Variants in CCDC6 observed in about 807,000 individuals in gnomAD.
The protein encoded by CCDC6 is coiled-coil domain containing 6.
Under a neutral mutation model 56.6 loss-of-function variants are expected in CCDC6, and 20 were observed. The observed-to-expected ratio is 0.35, with a 90% CI of 0.25 to 0.51. The LOEUF (loss-of-function observed/expected upper bound fraction) is 0.51. Ranked by LOEUF, CCDC6 falls within the 20% of genes least tolerant of loss-of-function variation. The probability of loss-of-function intolerance (pLI) is 0.95; values close to 1 mark genes in which losing one functional copy is unlikely to be tolerated. For missense variants in CCDC6, 367 were observed against 601.1 expected (o/e 0.61, Z 4.07); for synonymous variants, 241 against 234.4 (o/e 1.03, Z -0.26).
Position 59,847,446 on chromosome 10 carries a change from A to G in CCDC6, c.453+5107T>C, listed in dbSNP as rs562015100. 2.0e-5 allele frequency among the ~76,000 whole-genome samples: 3 copies of G among 152,256 alleles called. No individual in the cohort carries two copies. In the East Asian group the frequency reaches 5.8e-4, roughly 29 times the overall value. On this transcript the variant is annotated intron_variant, in intron 2 of 8. Transcript: ENST00000263102. ...TGACAAGACAGTTAGGCTAATCATT[A>G]GAGCATTCTGATTATACTAGTTCTT...
chr10:59,841,662 G>GT lies in CCDC6; in HGVS notation c.454-9010dup, dbSNP rs537645567. On this transcript the variant is annotated intron_variant, in intron 2 of 8. Coordinates refer to ENST00000263102, the MANE Select transcript of CCDC6 (RefSeq NM_005436.5). ...TAAATGCAGCAGGCATCCGTGTCTTGTTTTTTTTGTTTGTTTTTTTTTTTT... is the reference window on the plus strand; with the variant it reads ...TAAATGCAGCAGGCATCCGTGTCTTGTTTTTTTTTGTTTGTTTTTTTTTTTT... 5.7e-3 allele frequency among the ~76,000 whole-genome samples: 852 copies of GT among 149,686 alleles called. 10 individuals are homozygous for GT. The highest frequency in any genetic ancestry group is 0.033 in the East Asian group (167 of 5,096).
intron 1 of CCDC6, among the ~76,000 whole-genome samples, chr10:59,903,210 A>G (rs2132690755): frequency 6.6e-6 from 1 of 152,354 alleles, no homozygotes; most frequent in African/African-American, 2.4e-5. Flanking sequence ...AACTCTGCGT[A>G]ATACTATAAT....
chr10:59,844,774 G>GAC (rs2070976815), intron 2 of CCDC6, among the ~76,000 whole-genome samples: 1 of 150,740 alleles, frequency 6.6e-6, no homozygotes, highest in South Asian at 2.1e-4. Context: ...GAGAGAGAGA[G>GAC]AGAGAAAATC....
At chr10:59,832,773 G>A (rs2070845198) in intron 2 of CCDC6, 120 bp from the exon 3 acceptor site, 2 of 1,022,556 alleles carry the variant, frequency 2.0e-6, no homozygotes, top group Admixed American at 2.6e-5. Flanking sequence ...ACCCATTTTT[G>A]CTCAAATGTG....
chr10:59,871,780 G>T (rs745627000), intron 1 of CCDC6, among the ~76,000 whole-genome samples: 6 of 152,124 alleles, frequency 3.9e-5, no homozygotes, highest in Non-Finnish European at 8.8e-5. Context: ...TGCCTTGTGA[G>T]GGGGCAGGGG....
At chr10:59,819,999 C>T (rs2070737973) in intron 3 of CCDC6, among the ~76,000 whole-genome samples, 1 of 152,200 alleles carries the variant, frequency 6.6e-6, no homozygotes, top group South Asian at 2.1e-4. Flanking sequence ...TAACATCAGA[C>T]CAGGAGTTCT....
chr10:59,857,070 C>T (rs1312553495), intron 1 of CCDC6, among the ~76,000 whole-genome samples: 1 of 152,134 alleles, frequency 6.6e-6, no homozygotes, highest in Non-Finnish European at 1.5e-5. Flanking sequence ...TAAAACATTG[C>T]CCCTCACCGA....
At chr10:59,820,308 G>C (rs2070739938) in intron 3 of CCDC6, among the ~76,000 whole-genome samples, 1 of 152,172 alleles carries the variant, frequency 6.6e-6, no homozygotes, top group African/African-American at 2.4e-5. Context: ...TCAGTTATAG[G>C]ATTTTGAAAG....
At position 59,891,935 on chromosome 10, in the gene CCDC6, G is replaced by A. The variant is rs577505217; in HGVS notation, c.303+14187C>T. Among the ~76,000 whole-genome samples, 130 of 152,232 alleles carry A rather than the reference G, an allele frequency of 8.5e-4. 7 individuals are homozygous for A. The highest frequency in any genetic ancestry group is 7.5e-4 in the Non-Finnish European group (51 of 68,022). Reference sequence around the variant, plus strand: ...CCTCAGGCTAGAAAGCAACCCAGAGGCAACAAAGAAAAGAGGTCACTTGAG... The same window carrying A: ...CCTCAGGCTAGAAAGCAACCCAGAGACAACAAAGAAAAGAGGTCACTTGAG... On this transcript the variant is annotated intron_variant, in intron 1 of 8. Transcript: ENST00000263102.
At chr10:59,849,277 T>G (rs564856427) in intron 2 of CCDC6, among the ~76,000 whole-genome samples, 25 of 152,314 alleles carry the variant, frequency 1.6e-4, no homozygotes, top group African/African-American at 4.8e-4. Context: ...TACAATTTTG[T>G]GTCTGTACTG....
intron 1 of CCDC6, among the ~76,000 whole-genome samples, chr10:59,882,404 CAG>C (rs375735026): frequency 0.31 from 422 of 1,370 alleles, 73 homozygotes; most frequent in Middle Eastern, 0.5. Context: ...AAAGGAAAGC[CAG>C]GGGGAGAAGG....
chr10:59,822,346 C>T (rs10821607), intron 3 of CCDC6, among the ~76,000 whole-genome samples: 80,979 of 152,042 alleles, frequency 0.53, 22,917 homozygotes, highest in African/African-American at 0.73. Flanking sequence ...CTCAGATTAA[C>T]ACAGTTTCTA....
intron 7 of CCDC6, among the ~76,000 whole-genome samples, chr10:59,799,788 TC>T (rs3838772): frequency 0.16 from 24,766 of 152,044 alleles, 2,560 homozygotes; most frequent in African/African-American, 0.29. Flanking sequence ...GGATCCTAGC[TC>T]TGACACTTGG....
At chr10:59,840,152 C>T (rs1252684916) in intron 2 of CCDC6, among the ~76,000 whole-genome samples, 1 of 152,094 alleles carries the variant, frequency 6.6e-6, no homozygotes, top group African/African-American at 2.4e-5. Context: ...TGATCAATGG[C>T]ACAAAGAACA....
At chr10:59,805,942 T>C (rs2070618794) in intron 6 of CCDC6, among the ~76,000 whole-genome samples, 1 of 152,178 alleles carries the variant, frequency 6.6e-6, no homozygotes, top group African/African-American at 2.4e-5. Flanking sequence ...ATTGCCTACA[T>C]GTTTTGGACA....
chr10:59,802,804 TG>T (rs2070589159), intron 7 of CCDC6, among the ~76,000 whole-genome samples: 1 of 152,234 alleles, frequency 6.6e-6, no homozygotes, highest in African/African-American at 2.4e-5. Flanking sequence ...AACCAAGGTC[TG>T]ACATTTGTTC....
intron 7 of CCDC6, among the ~76,000 whole-genome samples, chr10:59,794,951 C>T (rs1283768949): frequency 6.6e-6 from 1 of 151,878 alleles, no homozygotes; most frequent in African/African-American, 2.4e-5. Context: ...ACACTATATA[C>T]AAAAGTCAAC....
chr10:59,855,829 T>A (rs1179438536), intron 1 of CCDC6, among the ~76,000 whole-genome samples: 1 of 152,174 alleles, frequency 6.6e-6, no homozygotes, highest in Non-Finnish European at 1.5e-5. Flanking sequence ...AGAGGACCAG[T>A]TTCCTTTGCA....
chr10:59,843,814 T>C (rs1264865067), intron 2 of CCDC6, among the ~76,000 whole-genome samples: 2 of 152,194 alleles, frequency 1.3e-5, no homozygotes, highest in Non-Finnish European at 2.9e-5. Context: ...GCAAAACTAG[T>C]TCACTCTTAG....
Sources: allele counts gnomAD v4.1 joint callset (sites outside exome capture counted in the v4.1 genomes callset), GRCh38; gene constraint gnomAD v4.1.1; transcripts MANE v1.5; gene names NCBI Gene and HGNC (gene_info 2026-07-23, HGNC 2026-07-21).